PCDHGB3: variants seen among roughly 807,000 people sequenced by gnomAD.
PCDHGB3 encodes the protein protocadherin gamma-B3.
Under a neutral mutation model 59.2 loss-of-function variants are expected in PCDHGB3, and 40 were observed. The observed-to-expected ratio is 0.68, with a 90% CI of 0.52 to 0.88. PCDHGB3 has a LOEUF of 0.88. Ranked by LOEUF, PCDHGB3 falls within the 40% of genes least tolerant of loss-of-function variation. The pLI, the probability that PCDHGB3 is intolerant of heterozygous loss-of-function variation, is 0.00. For synonymous variants in PCDHGB3, 581 were observed against 503.6 expected, an observed-to-expected ratio of 1.15 and a Z score of -2.06; for missense variants, 1,309 against 1,187.9, an observed-to-expected ratio of 1.10 and a Z score of -1.50.
At position 141,511,410 on chromosome 5, in the gene PCDHGB3, T is replaced by A; in HGVS notation, c.*237T>A. The stretch of plus-strand genomic sequence containing the variant: ...GGAACCCCCATCCAATCAACTGCTG[T>A]ACCCATGGGGGTAGTGGGGTTACTG... On this transcript the variant is annotated 3_prime_UTR_variant, in exon 4 of 4. Coordinates refer to ENST00000576222, the MANE Select transcript of PCDHGB3 (RefSeq NM_018924.5). 1 of 908,820 alleles carries A rather than the reference T, an allele frequency of 1.1e-6. No individual in the cohort carries two copies. The highest frequency in any genetic ancestry group is 1.6e-6 in the Non-Finnish European group (1 of 624,202). 56.3% of individuals were successfully genotyped at this position (908,820 alleles called of 1,614,324 possible). A position where few individuals can be genotyped will look rare whatever the true frequency, so the allele number is the denominator to read the frequency against.
chr5:141,410,358 T>C, intron 1 of PCDHGB3: 2 of 1,614,070 alleles, frequency 1.2e-6, no homozygotes, highest in Non-Finnish European at 8.5e-7. Flanking sequence ...CGACGCTCTC[T>C]CAGCCCTGCT....
chr5:141,417,805 G>T, intron 1 of PCDHGB3: 1 of 1,499,292 alleles, frequency 6.7e-7, no homozygotes. Flanking sequence ...TAGCGCGGTA[G>T]AGTGCACTTT....
intron 1 of PCDHGB3, chr5:141,374,947 C>T (rs768274787): frequency 6.2e-7 from 1 of 1,614,018 alleles, no homozygotes; most frequent in East Asian, 2.2e-5. Context: ...CAGAAAAGAT[C>T]TCACAAATTT....
rs1308930168 is a variant in PCDHGB3, at chr5:141,489,620, A to G, written c.2416-5187A>G. 2.5e-6 allele frequency: 4 copies of G among 1,614,058 alleles called. No individual in the cohort carries two copies. Among genetic ancestry groups the G allele is most frequent in the South Asian group, 2.2e-5 (2 of 91,072 alleles). The stretch of plus-strand genomic sequence containing the variant: ...GTAGAGGTAGAGATCCTGGATCTCA[A>G]TGACAACTCTCCTAGCTTTGCCACC... On this transcript the variant is annotated intron_variant, in intron 1 of 3. Transcript: ENST00000576222. This position sits in a 1 kb window ranked among gnomAD's most constrained non-coding sequence, Gnocchi z 4.5.
chr5:141,376,452 C>T (rs1186920662), intron 1 of PCDHGB3: 2 of 1,614,094 alleles, frequency 1.2e-6, no homozygotes, highest in Non-Finnish European at 1.7e-6. Flanking sequence ...AAAAGCGAGC[C>T]TCTTCTGATA....
rs774983500 is a variant in PCDHGB3 at position 141,490,973 on chromosome 5, G to T, written c.2416-3834G>T. ...GACTGGGAACACTCAGCCCCCCAGC[G>T]TCTCCCTCGCTCTGCTCCTCCTGGC... On this transcript the variant is annotated intron_variant, in intron 1 of 3. Transcript: ENST00000576222. The surrounding 1 kb of genome is among the most constrained non-coding windows in gnomAD (Gnocchi z 5.4). 1 of 1,613,932 alleles carries T rather than the reference G, an allele frequency of 6.2e-7. No individual in the cohort carries two copies. The highest frequency in any genetic ancestry group is 1.3e-5 in the African/African-American group (1 of 75,040).
rs759226115 is a variant in PCDHGB3 at position 141,405,385 on chromosome 5, A to AT, written c.2415+32584dup. 3.1e-5 allele frequency: 49 copies of AT among 1,599,976 alleles called. 1 individual carries two copies. The highest frequency in any genetic ancestry group is 2.8e-4 in the Admixed American group (16 of 56,782). On this transcript the variant is annotated intron_variant, in intron 1 of 3. Coordinates refer to ENST00000576222, the MANE Select transcript of PCDHGB3 (RefSeq NM_018924.5). ...ACACCCCTTTGGTTCCGGTGAGTTC[A>AT]TTTTTTTTCTTTCTTTCTTTTCTTT...
Position 141,489,517 on chromosome 5 carries a change from G to C in PCDHGB3, c.2416-5290G>C. The C allele has an allele frequency of 6.2e-7, 1 of 1,614,136 alleles. No individual in the cohort carries two copies. Among genetic ancestry groups the C allele is most frequent in the Non-Finnish European group, 8.5e-7 (1 of 1,180,044 alleles). On this transcript the variant is annotated intron_variant, in intron 1 of 3. Transcript: ENST00000576222. The surrounding 1 kb of genome is among the most constrained non-coding windows in gnomAD (Gnocchi z 4.5). ...GGCAGTGAATCAAAAGATTGACCGA[G>C]AAAGCCTATGTGGAGCCAGCACCAG...
In PCDHGB3 at chr5:141,477,147, A is replaced by G. The variant is rs1195888163; in HGVS notation, c.2416-17660A>G. On this transcript the variant is annotated intron_variant, in intron 1 of 3. Coordinates refer to ENST00000576222, the MANE Select transcript of PCDHGB3 (RefSeq NM_018924.5). The surrounding 1 kb of genome is among the most constrained non-coding windows in gnomAD (Gnocchi z 4.9). The stretch of plus-strand genomic sequence containing the variant: ...TGCAAAGTGTTGGTGGAGGTTGTGG[A>G]TGTGAATGACAACGCCCCGGAGATC... 2 of 1,614,168 alleles carry G rather than the reference A, an allele frequency of 1.2e-6. No individual in the cohort carries two copies. The highest frequency in any genetic ancestry group is 1.1e-5 in the South Asian group (1 of 91,080).
At chr5:141,446,401 T>C (rs1321106896) in intron 1 of PCDHGB3, among the ~76,000 whole-genome samples, 1 of 152,166 alleles carries the variant, frequency 6.6e-6, no homozygotes, top group African/African-American at 2.4e-5. Context: ...AGAAATCGAG[T>C]TGAGTTCCAG....
At chr5:141,383,956 A>G (rs1279675225) in intron 1 of PCDHGB3, 3 of 1,613,670 alleles carry the variant, frequency 1.9e-6, no homozygotes, top group Non-Finnish European at 2.5e-6. Context: ...GACGTCTTTA[A>G]GTAGCTCAAT....
At chr5:141,435,575 C>T (rs1054936213) in intron 1 of PCDHGB3, among the ~76,000 whole-genome samples, 2 of 152,088 alleles carry the variant, frequency 1.3e-5, no homozygotes, top group South Asian at 2.1e-4. Context: ...AGTACTGGGG[C>T]AAATTTGCAG....
intron 1 of PCDHGB3, chr5:141,399,279 C>G (rs370090713): frequency 1.2e-6 from 2 of 1,613,694 alleles, no homozygotes; most frequent in Non-Finnish European, 1.7e-6. Flanking sequence ...AATTACAAGG[C>G]GAAGTCCCTT....
At chr5:141,471,506 G>A (rs2099258630) in intron 1 of PCDHGB3, 1 of 152,214 alleles carries the variant, frequency 6.6e-6, no homozygotes, top group South Asian at 2.1e-4. Flanking sequence ...GCAAGAGAGG[G>A]AGTAAAAATA....
In PCDHGB3 at chr5:141,371,142, A is replaced by G; in HGVS notation, c.748A>G (p.Asn250Asp). Reference protein sequence around the residue: ...PVFTQDMYRVNVAENLPAGSS... With the variant: ...PVFTQDMYRVDVAENLPAGSS... Reference sequence around the variant, plus strand: ...ATTTACTCAGGACATGTACAGGGTCAATGTTGCAGAGAACCTGCCCGCTGG... The same window carrying G: ...ATTTACTCAGGACATGTACAGGGTCGATGTTGCAGAGAACCTGCCCGCTGG... The change falls in exon 1 of 4, where the codon AAT becomes GAT. Residue 250 changes from asparagine to aspartate, a missense_variant. By Grantham distance (23) the Asn-to-Asp change is conservative (BLOSUM62 1). Coordinates refer to ENST00000576222, the MANE Select transcript of PCDHGB3 (RefSeq NM_018924.5). 6.2e-7 allele frequency: 1 copy of G among 1,614,010 alleles called. No individual in the cohort carries two copies. Among genetic ancestry groups the G allele is most frequent in the Non-Finnish European group, 8.5e-7 (1 of 1,179,892 alleles).
intron 3 of PCDHGB3, among the ~76,000 whole-genome samples, chr5:141,506,473 G>A (rs976701500): frequency 2.7e-4 from 40 of 150,506 alleles, no homozygotes; most frequent in Admixed American, 1.5e-3. Flanking sequence ...AAAGAGCACA[G>A]GCTTTAGAGG....
chr5:141,405,351 C>G, intron 1 of PCDHGB3: 1 of 1,614,080 alleles, frequency 6.2e-7, no homozygotes, highest in Non-Finnish European at 8.5e-7. Flanking sequence ...TCCAAGTTTC[C>G]TATAGAAGAC....
chr5:141,433,883 G>A (rs1051019240), intron 1 of PCDHGB3, among the ~76,000 whole-genome samples: 1 of 149,932 alleles, frequency 6.7e-6, no homozygotes, highest in Non-Finnish European at 1.5e-5. Flanking sequence ...ATCCATTGAT[G>A]ACACTTGCTT....
intron 1 of PCDHGB3, chr5:141,383,710 G>A (rs1388027066): frequency 1.4e-5 from 22 of 1,613,874 alleles, no homozygotes; most frequent in Non-Finnish European, 1.9e-5. Flanking sequence ...CGACCTGGAC[G>A]AGGGAGTCAA....
Sources: allele counts gnomAD v4.1 joint callset (sites outside exome capture counted in the v4.1 genomes callset), GRCh38; gene constraint gnomAD v4.1.1; non-coding constraint Gnocchi (gnomAD v3.1); transcripts MANE v1.5; gene names NCBI Gene and HGNC (gene_info 2026-07-23, HGNC 2026-07-21).